CSGALNACT1: variants seen among roughly 807,000 people sequenced by gnomAD.
CSGALNACT1 encodes the protein chondroitin sulfate N-acetylgalactosaminyltransferase 1.
Under a neutral mutation model 51.0 loss-of-function variants are expected in CSGALNACT1, and 52 were observed. The ratio of observed to expected loss-of-function variants is 1.02; its 90% CI spans 0.82 to 1.29. The LOEUF is 1.29. CSGALNACT1 is among the 50% of genes most tolerant of loss of function. The probability of loss-of-function intolerance (pLI) is 0.00; values close to 1 mark genes in which losing one functional copy is unlikely to be tolerated. For missense variants in CSGALNACT1, 935 were observed against 679.2 expected (o/e 1.38, Z -4.19); for synonymous variants, 341 against 254.4 (o/e 1.34, Z -3.24).
chr8:19,736,516 C>CA (rs11310638), intron 1 of CSGALNACT1, among the ~76,000 whole-genome samples: 1,725 of 135,100 alleles, frequency 0.013, 32 homozygotes, highest in Admixed American at 0.056. Context: ...GTCCCAAAAC[C>CA]AAAAAAAAAA....
intron 1 of CSGALNACT1, among the ~76,000 whole-genome samples, chr8:19,688,163 C>T (rs1002860865): frequency 1.5e-4 from 23 of 152,172 alleles, no homozygotes; most frequent in African/African-American, 5.6e-4. Context: ...TCCCTGGAGA[C>T]ATCGGTGGGG....
chr8:19,585,821 G>A (rs1270306336), intron 3 of CSGALNACT1, among the ~76,000 whole-genome samples: 1 of 152,144 alleles, frequency 6.6e-6, no homozygotes, highest in Non-Finnish European at 1.5e-5. Context: ...CAGAGTTCCA[G>A]GTCCCAGTAG....
chr8:19,621,197 A>G (rs1048938818), intron 1 of CSGALNACT1, among the ~76,000 whole-genome samples: 3 of 152,162 alleles, frequency 2.0e-5, no homozygotes, highest in Non-Finnish European at 4.4e-5. Context: ...TGACACAATG[A>G]TAAAACTTTT....
At chr8:19,459,374 C>A (rs1287038621) in intron 4 of CSGALNACT1, among the ~76,000 whole-genome samples, 4 of 114,920 alleles carry the variant, frequency 3.5e-5, no homozygotes, top group Non-Finnish European at 6.7e-5. Flanking sequence ...CAGAGCGAAA[C>A]TTTATCTCAA....
chr8:19,682,930 G>A (rs1305148207), upstream of CSGALNACT1: 3 of 325,438 alleles, frequency 9.2e-6, no homozygotes, highest in Non-Finnish European at 1.8e-5. Context: ...CCAATTACCT[G>A]TACTTATCCA....
chr8:19,592,647 A>T (rs1358292773), intron 2 of CSGALNACT1, among the ~76,000 whole-genome samples: 2 of 152,166 alleles, frequency 1.3e-5, no homozygotes, highest in Non-Finnish European at 2.9e-5. Context: ...CCAGCTACTT[A>T]GGAGGCTAGG....
At chr8:19,625,602 A>C (rs1214015876) in intron 1 of CSGALNACT1, among the ~76,000 whole-genome samples, 2 of 152,188 alleles carry the variant, frequency 1.3e-5, no homozygotes, top group Non-Finnish European at 2.9e-5. Flanking sequence ...GAGTATAGGA[A>C]TCTGCAGTTT....
In CSGALNACT1 at chr8:19,505,300, C is replaced by G; in HGVS notation, c.535G>C (p.Glu179Gln). 3 of 1,614,202 alleles carry G rather than the reference C, an allele frequency of 1.9e-6. No homozygotes were observed. The South Asian group carries it at 3.3e-5, about 18-fold the overall frequency. ...GCTGATTCAATGGCTTCCACCAACTCATCCCGCTTGTCCTTCCTCACAGGC... is the reference window on the plus strand; with the variant it reads ...GCTGATTCAATGGCTTCCACCAACTGATCCCGCTTGTCCTTCCTCACAGGC... Residue 179 changes from glutamate to glutamine, a missense_variant, in exon 4 of 10, where the codon GAG (glutamate) becomes CAG (glutamine). Glu to Gln is a conservative substitution (Grantham distance 29). Transcript: ENST00000454498.
At chr8:19,460,259 CAGAGAG>C (rs376948743) in intron 4 of CSGALNACT1, among the ~76,000 whole-genome samples, 1 of 151,146 alleles carries the variant, frequency 6.6e-6, no homozygotes, top group African/African-American at 2.4e-5. Flanking sequence ...CAGGGAGACA[CAGAGAG>C]AGAGAGAGAG....
chr8:19,419,230 G>C (rs1331961139), intron 7 of CSGALNACT1, among the ~76,000 whole-genome samples: 1 of 152,176 alleles, frequency 6.6e-6, no homozygotes, highest in South Asian at 2.1e-4. Context: ...AGTCATATCT[G>C]CAAATATTTC....
chr8:19,585,277 T>C (rs756367842), intron 3 of CSGALNACT1: 4 of 152,180 alleles, frequency 2.6e-5, no homozygotes, highest in African/African-American at 7.2e-5. Flanking sequence ...AAGGAGCCGC[T>C]TGCTGGTTGA....
chr8:19,545,102 A>G (rs1588121498), intron 3 of CSGALNACT1, among the ~76,000 whole-genome samples: 1 of 152,086 alleles, frequency 6.6e-6, no homozygotes, highest in Non-Finnish European at 1.5e-5. Flanking sequence ...AAGTCACTCC[A>G]TGTCACCCTG....
chr8:19,495,396 A>G (rs1465228267), intron 4 of CSGALNACT1, among the ~76,000 whole-genome samples: 3 of 152,074 alleles, frequency 2.0e-5, no homozygotes, highest in Non-Finnish European at 4.4e-5. Context: ...ACCAGCCCAT[A>G]AAAACCTCTT....
intron 3 of CSGALNACT1, among the ~76,000 whole-genome samples, chr8:19,587,551 T>C (rs985825938): frequency 6.6e-6 from 1 of 152,198 alleles, no homozygotes; most frequent in Non-Finnish European, 1.5e-5. Context: ...TGAATGAAGA[T>C]GAGACTATGC....
chr8:19,439,682 CTT>C lies in CSGALNACT1; in HGVS notation c.953+146_953+147del, dbSNP rs1246171999. 7 of 708,056 alleles carry C rather than the reference CTT, an allele frequency of 9.9e-6. No individual in the cohort carries two copies. The Middle Eastern group carries it at 7.0e-4, about 71-fold the overall frequency. 43.9% of individuals were successfully genotyped at this position (708,056 alleles called of 1,614,324 possible). On this transcript the variant is annotated intron_variant, in intron 6 of 9. Coordinates refer to ENST00000454498, the Ensembl canonical transcript of CSGALNACT1. ...GTCTCCTGCGGAAGAGGAGTGCAGACTTTTCCCTGAACACAGCCAGCAATCAA... is the reference window on the plus strand; with the variant it reads ...GTCTCCTGCGGAAGAGGAGTGCAGACTTCCCTGAACACAGCCAGCAATCAA...
intron 1 of CSGALNACT1, among the ~76,000 whole-genome samples, chr8:19,622,710 A>G (rs1293956727): frequency 6.6e-6 from 1 of 152,194 alleles, no homozygotes; most frequent in Non-Finnish European, 1.5e-5. Flanking sequence ...TAATGTAACC[A>G]CTACAAGAAT....
intron 1 of CSGALNACT1, among the ~76,000 whole-genome samples, chr8:19,611,632 G>C (rs192744148): frequency 6.6e-6 from 1 of 152,242 alleles, no homozygotes; most frequent in East Asian, 1.9e-4. Flanking sequence ...ATGCAGAGTC[G>C]AACTCTTGAA....
At chr8:19,501,528 T>A (rs1437660534) in intron 4 of CSGALNACT1, among the ~76,000 whole-genome samples, 2 of 152,064 alleles carry the variant, frequency 1.3e-5, no homozygotes. Context: ...TCTGACCCAC[T>A]CTCACCACAC....
At chr8:19,656,466 C>T (rs187748122) in intron 1 of CSGALNACT1, among the ~76,000 whole-genome samples, 3 of 151,924 alleles carry the variant, frequency 2.0e-5, no homozygotes, top group South Asian at 4.2e-4. Context: ...TAGAGGAACC[C>T]ACCTTCGATC....
Sources: gnomAD v4.1 joint callset for allele counts (sites outside exome capture counted in the v4.1 genomes callset) on GRCh38, gnomAD v4.1.1 for gene constraint, MANE v1.5 for transcripts, NCBI Gene and HGNC (gene_info 2026-07-23, HGNC 2026-07-21) for gene names.